NXN: variants seen among roughly 807,000 people sequenced by gnomAD.
NXN encodes nucleoredoxin, also known as nucleoredoxin 1.
A neutral mutation model predicts 48.6 loss-of-function variants in NXN; 16 were observed. The ratio of observed to expected loss-of-function variants is 0.33; its 90% confidence interval spans 0.22 to 0.50. NXN has a LOEUF of 0.50. NXN is among the 20% of genes least tolerant of loss of function. NXN has a pLI of 0.98. For synonymous variants in NXN, 281 were observed against 269.6 expected (o/e 1.04, Z -0.41); for missense variants, 492 against 605.5 (o/e 0.81, Z 1.97).
intron 1 of NXN, among the ~76,000 whole-genome samples, chr17:955,163 T>C (rs2069151790): frequency 8.2e-6 from 1 of 121,278 alleles, no homozygotes; most frequent in South Asian, 2.5e-4. Context: ...CATCTCTTTC[T>C]TTTTTTTTTT....
chr17:834,798 T>A (rs188185904), intron 1 of NXN, among the ~76,000 whole-genome samples: 46 of 151,794 alleles, frequency 3.0e-4, no homozygotes, highest in Non-Finnish European at 5.9e-4. Flanking sequence ...TGGGATTACA[T>A]GTGTGAGCCA....
At chr17:896,824 G>C (rs923284426) in intron 1 of NXN, 2 of 1,157,594 alleles carry the variant, frequency 1.7e-6, no homozygotes, top group Non-Finnish European at 2.2e-6. Flanking sequence ...TGCAGATCTC[G>C]AAGATGCTAA....
intron 1 of NXN, among the ~76,000 whole-genome samples, chr17:880,690 G>A (rs186668435): frequency 2.6e-5 from 4 of 152,238 alleles, no homozygotes; most frequent in East Asian, 1.9e-4. Flanking sequence ...ATCCAAGGAC[G>A]TCCACTCACA....
chr17:917,985 C>T lies in NXN; in HGVS notation c.360+61334G>A, dbSNP rs776136346. Among the ~76,000 whole-genome samples, 1 of 152,194 alleles carries T rather than the reference C, an allele frequency of 6.6e-6. No homozygotes were observed. The highest frequency in any genetic ancestry group is 1.5e-5 in the Non-Finnish European group (1 of 68,022). The stretch of plus-strand genomic sequence containing the variant: ...TACTTTATGGAAGACACATGGCTCA[C>T]GGCAGGGCCCGGCACATCACAAAAA... On this transcript the variant is annotated intron_variant, in intron 1 of 7. Coordinates refer to ENST00000336868, the MANE Select transcript of NXN (RefSeq NM_022463.5). This position sits in a 1 kb window ranked among gnomAD's most constrained non-coding sequence, Gnocchi z 4.5.
chr17:916,250 G>A (rs942171250), intron 1 of NXN, among the ~76,000 whole-genome samples: 1 of 152,130 alleles, frequency 6.6e-6, no homozygotes, highest in African/African-American at 2.4e-5. Context: ...AACAGGAAAA[G>A]CCACAAGGAG....
At chr17:892,003 G>C (rs57853996) in intron 1 of NXN, among the ~76,000 whole-genome samples, 461 of 6,074 alleles carry the variant, frequency 0.076, no homozygotes, top group African/African-American at 0.18. Flanking sequence ...CATGCACAAC[G>C]CAACAGGGAA....
At chr17:912,646 T>TA (rs2068647143) in intron 1 of NXN, among the ~76,000 whole-genome samples, 1 of 151,702 alleles carries the variant, frequency 6.6e-6, no homozygotes, top group Admixed American at 6.6e-5. Flanking sequence ...CTTTATGCAT[T>TA]AAGAAAAAAA....
At chr17:818,080 A>G (rs1461728819) in intron 5 of NXN, among the ~76,000 whole-genome samples, 1 of 151,910 alleles carries the variant, frequency 6.6e-6, no homozygotes, top group Non-Finnish European at 1.5e-5. Flanking sequence ...GCAACATGGC[A>G]AAACTTCATC....
chr17:820,513 G>A (rs374098028), intron 4 of NXN, among the ~76,000 whole-genome samples: 6 of 148,328 alleles, frequency 4.0e-5, no homozygotes, highest in East Asian at 2.0e-4. Flanking sequence ...TTGGGAGGCT[G>A]AGGCAGGAGA....
intron 5 of NXN, among the ~76,000 whole-genome samples, chr17:817,917 G>A (rs1912571886): frequency 6.6e-6 from 1 of 152,108 alleles, no homozygotes; most frequent in Non-Finnish European, 1.5e-5. Flanking sequence ...GGCTGGGAAG[G>A]AGGTATTCAC....
chr17:923,617 C>T (rs569265234), intron 1 of NXN, among the ~76,000 whole-genome samples: 1 of 152,248 alleles, frequency 6.6e-6, no homozygotes, highest in Non-Finnish European at 1.5e-5. Flanking sequence ...CATATAGTCA[C>T]TATTTGCAGA....
intron 1 of NXN, among the ~76,000 whole-genome samples, chr17:953,913 G>A (rs1359086569): frequency 1.3e-5 from 2 of 152,206 alleles, no homozygotes; most frequent in African/African-American, 2.4e-5. Context: ...CCCAGCCTGC[G>A]TGACGGGTGC....
intron 5 of NXN, among the ~76,000 whole-genome samples, chr17:811,979 G>C (rs865897096): frequency 5.9e-4 from 84 of 143,346 alleles, no homozygotes; most frequent in Admixed American, 2.9e-3. Flanking sequence ...CCAGGCTGGA[G>C]TGCAGTGGCA....
At chr17:899,768 T>G (rs1045405616) in intron 1 of NXN, among the ~76,000 whole-genome samples, 2 of 152,076 alleles carry the variant, frequency 1.3e-5, no homozygotes, top group African/African-American at 4.8e-5. Context: ...TGCACGCCTG[T>G]AGTCCCAGCT....
At chr17:805,020 T>TACCCCCCCCCCCCCCCCCCCCCCCCCC in intron 6 of NXN, 48 bp downstream of exon 6, 1 of 1,512,884 alleles carries the variant, frequency 6.6e-7, no homozygotes. Flanking sequence ...GCCCCTCCTG[T>TACCCCCCCCCCCCCCCCCCCCCCCCCC]CCCGCCCCCC....
intron 5 of NXN, among the ~76,000 whole-genome samples, chr17:809,257 C>T (rs747173897): frequency 1.8e-4 from 27 of 152,206 alleles, no homozygotes; most frequent in Non-Finnish European, 3.4e-4. Context: ...CTAGAGAGGG[C>T]GCAGCCCTGA....
At chr17:944,048 G>A (rs1489265882) in intron 1 of NXN, among the ~76,000 whole-genome samples, 1 of 151,938 alleles carries the variant, frequency 6.6e-6, no homozygotes, top group African/African-American at 2.4e-5. Context: ...GACCAGCCTG[G>A]CCAACATGAC....
rs1051995293 is a variant in NXN, at chr17:966,154, G to T, written c.360+13165C>A. Among the ~76,000 whole-genome samples the T allele has an allele frequency of 2.6e-5, 4 of 151,744 alleles. No individual in the cohort carries two copies. The East Asian group carries it at 7.7e-4, about 29-fold the overall frequency. On this transcript the variant is annotated intron_variant, in intron 1 of 7. Coordinates refer to ENST00000336868, the MANE Select transcript of NXN (RefSeq NM_022463.5). Reference sequence around the variant, plus strand: ...AAGAAAAGAAAAGTGAATGCAATGAGATCTCGCGACATGGTAACAGAAGTC... The same window carrying T: ...AAGAAAAGAAAAGTGAATGCAATGATATCTCGCGACATGGTAACAGAAGTC...
chr17:817,096 C>G (rs975175831), intron 5 of NXN, among the ~76,000 whole-genome samples: 2 of 152,130 alleles, frequency 1.3e-5, no homozygotes, highest in African/African-American at 4.8e-5. Flanking sequence ...CGACACACCC[C>G]AAATTCCCCT....
Sources: allele counts gnomAD v4.1 joint callset (sites outside exome capture counted in the v4.1 genomes callset), GRCh38; gene constraint gnomAD v4.1.1; non-coding constraint Gnocchi (gnomAD v3.1); transcripts MANE v1.5; gene names NCBI Gene and HGNC (gene_info 2026-07-23, HGNC 2026-07-21).